The following ATAD1 variants were observed in gnomAD, a reference collection of about 807,000 sequenced individuals.
ATAD1 encodes ATPase family AAA domain containing 1.
Under a neutral mutation model 42.7 loss-of-function variants are expected in ATAD1, and 18 were observed. That is an observed-to-expected ratio of 0.42 (90% CI 0.29 to 0.63). The LOEUF (loss-of-function observed/expected upper bound fraction) is 0.63, where lower values mean the gene tolerates loss of function less well. Among genes scored for constraint, ATAD1 ranks in the 20% least tolerant of loss-of-function variants. The pLI, the probability that ATAD1 is intolerant of heterozygous loss-of-function variation, is 0.19. For missense variants in ATAD1, 294 were observed against 440.4 expected (o/e 0.67, Z 2.98); for synonymous variants, 132 against 143.1 (o/e 0.92, Z 0.55).
intron 8 of ATAD1, among the ~76,000 whole-genome samples, chr10:87,762,713 C>G (rs533087989): frequency 6.6e-6 from 1 of 151,872 alleles, no homozygotes; most frequent in South Asian, 2.1e-4. Context: ...GGTGATCTGC[C>G]TGCCTTGGCC....
intron 8 of ATAD1, among the ~76,000 whole-genome samples, chr10:87,762,724 T>A (rs916697279): frequency 1.3e-5 from 2 of 151,620 alleles, no homozygotes; most frequent in African/African-American, 4.8e-5. Flanking sequence ...TGCCTTGGCC[T>A]CCCAAAGTGC....
Position 87,816,852 on chromosome 10 carries a change from G to A in ATAD1, c.-14+1315C>T, listed in dbSNP as rs1159078859. Among the ~76,000 whole-genome samples, 4 of 152,142 alleles carry A rather than the reference G, an allele frequency of 2.6e-5. No individual in the cohort carries two copies. In the South Asian group the frequency reaches 6.2e-4, roughly 24 times the overall value. Reference sequence around the variant, plus strand: ...TTTATTAACCTAATCTGTGAAAAGCGGTGGCATTCCAGTAAAACGTTTTCG... The same window carrying A: ...TTTATTAACCTAATCTGTGAAAAGCAGTGGCATTCCAGTAAAACGTTTTCG... On this transcript the variant is annotated intron_variant, in intron 1 of 9. Transcript: ENST00000680024.
chr10:87,791,215 A>G (rs1856093020), intron 3 of ATAD1, among the ~76,000 whole-genome samples: 1 of 151,296 alleles, frequency 6.6e-6, no homozygotes, highest in Admixed American at 6.6e-5. Flanking sequence ...AAAAAAAAAA[A>G]AAAAAAATTA....
At chr10:87,794,638 C>G (rs967816540) in intron 2 of ATAD1, among the ~76,000 whole-genome samples, 2 of 152,122 alleles carry the variant, frequency 1.3e-5, no homozygotes, top group Non-Finnish European at 2.9e-5. Context: ...GACAGCCTCC[C>G]TTTCCCCATC....
chr10:87,771,017 G>A lies in ATAD1; in HGVS notation c.715C>T (p.Arg239Cys), dbSNP rs752733088. 3.7e-6 allele frequency: 6 copies of A among 1,613,168 alleles called. No homozygotes were observed. Among genetic ancestry groups the A allele is most frequent in the African/African-American group, 1.3e-5 (1 of 74,892 alleles). The change falls in exon 7 of 10, where the codon CGT becomes TGT. Residue 239 changes from arginine (R) to cysteine (C), a missense_variant. Physicochemically the swap from Arg to Cys is radical, Grantham distance 180. Coordinates refer to ENST00000680024, the MANE Select transcript of ATAD1 (RefSeq NM_001321967.2). The stretch of plus-strand genomic sequence containing the variant: ...ATAGCCGAGTCAAGGTCCTGAGGAC[G>A]ATTGGTAGCTCCCATTACTATGACC... ...CQVIVMGATN[R>C]PQDLDSAIMR... is the part of the protein sequence containing the mutation.
At chr10:87,826,262 C>T (rs746998047) in intron 1 of ATAD1, among the ~76,000 whole-genome samples, 1 of 152,224 alleles carries the variant, frequency 6.6e-6, no homozygotes, top group Non-Finnish European at 1.5e-5. Flanking sequence ...ATGAAAGTCT[C>T]ATTCAACTTC....
intron 1 of ATAD1, among the ~76,000 whole-genome samples, chr10:87,827,891 C>T (rs935142278): frequency 1.3e-5 from 2 of 152,120 alleles, no homozygotes; most frequent in African/African-American, 4.8e-5. Flanking sequence ...AGACCAAAAG[C>T]TAGGCCTCTT....
At chr10:87,779,262 C>G (rs1855459028) in intron 5 of ATAD1, among the ~76,000 whole-genome samples, 1 of 152,146 alleles carries the variant, frequency 6.6e-6, no homozygotes. Flanking sequence ...CGTGCCACTG[C>G]ACTCCAGCCT....
chr10:87,806,041 G>C (rs1158613331), intron 2 of ATAD1, among the ~76,000 whole-genome samples: 2 of 152,134 alleles, frequency 1.3e-5, no homozygotes, highest in African/African-American at 4.8e-5. Context: ...AAAGAAGTGA[G>C]AAGAGGGATA....
chr10:87,777,114 C>T (rs190397936), intron 5 of ATAD1, among the ~76,000 whole-genome samples: 31 of 152,144 alleles, frequency 2.0e-4, no homozygotes, highest in Admixed American at 4.6e-4. Flanking sequence ...TTCATGACAA[C>T]ATATGTAAGA....
chr10:87,773,847 T>C (rs1855165167), intron 6 of ATAD1, among the ~76,000 whole-genome samples: 3 of 152,208 alleles, frequency 2.0e-5, no homozygotes. Context: ...GGGCTAACTA[T>C]CCAATTGTCT....
intron 8 of ATAD1, among the ~76,000 whole-genome samples, chr10:87,764,833 T>TG (rs376367914): frequency 1.7e-3 from 256 of 152,070 alleles, no homozygotes; most frequent in Non-Finnish European, 2.7e-3. Flanking sequence ...GTTGGGTGTG[T>TG]GGGGGGGAAG....
intron 5 of ATAD1, among the ~76,000 whole-genome samples, chr10:87,783,450 G>A (rs1323588354): frequency 6.6e-6 from 1 of 151,558 alleles, no homozygotes; most frequent in Non-Finnish European, 1.5e-5. Context: ...AATAACTGGA[G>A]TAAATTGATG....
chr10:87,821,425 G>C (rs1360965009), upstream of ATAD1, among the ~76,000 whole-genome samples: 3 of 152,100 alleles, frequency 2.0e-5, no homozygotes, highest in Non-Finnish European at 4.4e-5. Context: ...CCAGTTACTT[G>C]GGAGGCTGAG....
rs562182815 is a variant in ATAD1 at position 87,817,421 on chromosome 10, A to C, written c.-14+746T>G. Among the ~76,000 whole-genome samples the C allele has an allele frequency of 6.6e-5, 10 of 152,370 alleles. No homozygotes were observed. In the East Asian group the frequency reaches 1.7e-3, roughly 26 times the overall value. The stretch of plus-strand genomic sequence containing the variant: ...TCCTAAAACACTATAACCTAGAGTT[A>C]TTTGTTAGGCAAATATGGTATCAGG... On this transcript the variant is annotated intron_variant, in intron 1 of 9. Coordinates refer to ENST00000680024, the MANE Select transcript of ATAD1 (RefSeq NM_001321967.2).
At chr10:87,838,766 T>A (rs1385505682) in intron 1 of ATAD1, among the ~76,000 whole-genome samples, 1 of 152,026 alleles carries the variant, frequency 6.6e-6, no homozygotes, top group Non-Finnish European at 1.5e-5. Context: ...CTCTCCTTTT[T>A]GTGAGGACAT....
intron 5 of ATAD1, among the ~76,000 whole-genome samples, chr10:87,777,085 TTTC>T (rs1297302701): frequency 6.6e-6 from 1 of 152,178 alleles, no homozygotes; most frequent in African/African-American, 2.4e-5. Flanking sequence ...ATAATTTTTG[TTTC>T]TTCTCTAAAA....
intron 2 of ATAD1, among the ~76,000 whole-genome samples, chr10:87,807,878 C>T (rs1321229500): frequency 6.6e-6 from 1 of 152,074 alleles, no homozygotes; most frequent in African/African-American, 2.4e-5. Context: ...GACTTTTGTT[C>T]TTCCACATGA....
At chr10:87,759,165 C>T (rs1165782898) in intron 8 of ATAD1, among the ~76,000 whole-genome samples, 1 of 151,930 alleles carries the variant, frequency 6.6e-6, no homozygotes, top group African/African-American at 2.4e-5. Context: ...AAGAAACAGA[C>T]ACATACAAGG....
Sources: gnomAD v4.1 joint callset for allele counts (sites outside exome capture counted in the v4.1 genomes callset) on GRCh38, gnomAD v4.1.1 for gene constraint, MANE v1.5 for transcripts, NCBI Gene and HGNC (gene_info 2026-07-23, HGNC 2026-07-21) for gene names.